PKNOX2: variants seen among roughly 807,000 people sequenced by gnomAD.
PKNOX2 encodes the protein homeobox protein PKNOX2.
Under a neutral mutation model 53.1 loss-of-function variants are expected in PKNOX2, and 14 were observed. The ratio of observed to expected loss-of-function variants is 0.26; its 90% CI spans 0.17 to 0.41. The LOEUF (loss-of-function observed/expected upper bound fraction) is 0.41. PKNOX2 is among the 10% of genes least tolerant of loss of function. PKNOX2 has a pLI of 1.00. For missense variants in PKNOX2, 496 were observed against 602.8 expected (o/e 0.82, Z 1.85); for synonymous variants, 257 against 242.8 (o/e 1.06, Z -0.54).
chr11:125,335,223 C>G (rs908564097), intron 3 of PKNOX2, among the ~76,000 whole-genome samples: 4 of 152,208 alleles, frequency 2.6e-5, no homozygotes, highest in Non-Finnish European at 5.9e-5. Context: ...CGGGCCCCCT[C>G]TGAACTCCCT....
chr11:125,306,300 G>A (rs1024549569), intron 2 of PKNOX2, among the ~76,000 whole-genome samples: 6 of 152,058 alleles, frequency 3.9e-5, no homozygotes, highest in African/African-American at 1.2e-4. Flanking sequence ...AATACCTAAC[G>A]CTAAAGATAT....
intron 2 of PKNOX2, among the ~76,000 whole-genome samples, chr11:125,296,271 CT>C (rs1408555174): frequency 6.6e-6 from 1 of 152,186 alleles, no homozygotes; most frequent in Non-Finnish European, 1.5e-5. Flanking sequence ...CCGCCAGTGT[CT>C]TTCCCTGTCA....
intron 1 of PKNOX2, among the ~76,000 whole-genome samples, chr11:125,215,437 G>A (rs1940384118): frequency 1.3e-5 from 2 of 152,026 alleles, no homozygotes; most frequent in African/African-American, 4.8e-5. Context: ...TAGAAAAGCA[G>A]GAGCAGGCCC....
At chr11:125,404,968 G>C (rs1298205738) in intron 7 of PKNOX2, among the ~76,000 whole-genome samples, 2 of 152,162 alleles carry the variant, frequency 1.3e-5, no homozygotes, top group Non-Finnish European at 2.9e-5. Flanking sequence ...CCCGCCCCGA[G>C]CCCAGGCAGG....
Position 125,399,462 on chromosome 11 carries a change from T to C in PKNOX2, c.588+1400T>C, listed in dbSNP as rs181021570. ...TGGTGACGCTGCGCAGTCCCGGTGATGGGAGAGATGCAAGATAGGAGCTGA... is the reference window on the plus strand; with the variant it reads ...TGGTGACGCTGCGCAGTCCCGGTGACGGGAGAGATGCAAGATAGGAGCTGA... On this transcript the variant is annotated intron_variant, in intron 7 of 12. Coordinates refer to ENST00000298282, the MANE Select transcript of PKNOX2 (RefSeq NM_001382323.2). Among the ~76,000 whole-genome samples the C allele has an allele frequency of 6.0e-3, 909 of 152,302 alleles. 37 individuals carry two copies. Among genetic ancestry groups the C allele is most frequent in the Admixed American group, 0.055 (837 of 15,292 alleles).
chr11:125,326,426 TG>T, intron 2 of PKNOX2, among the ~76,000 whole-genome samples: 1 of 152,060 alleles, frequency 6.6e-6, no homozygotes, highest in African/African-American at 2.4e-5. Flanking sequence ...TTGAAAGTAG[TG>T]GGGGATTAGG....
In PKNOX2 at chr11:125,393,698, G is replaced by T. The variant is rs117217690; in HGVS notation, c.400-4176G>T. ...TGGTGAGGTGTTTGGACCCCGGGGG[G>T]CTGTGCCAGGAGTGAGAGATGGGAG... is the stretch of plus-strand genomic sequence containing the variant. On this transcript the variant is annotated intron_variant, in intron 6 of 12. Transcript: ENST00000298282. Among the ~76,000 whole-genome samples, 1,153 of 152,258 alleles carry T rather than the reference G, an allele frequency of 7.6e-3. 16 individuals carry two copies. Among genetic ancestry groups the T allele is most frequent in the Middle Eastern group, 0.024 (7 of 294 alleles).
chr11:125,258,582 T>C (rs1944589917), intron 2 of PKNOX2: 1 of 156,490 alleles, frequency 6.4e-6, no homozygotes, highest in African/African-American at 2.4e-5. Context: ...AAGTCATGCT[T>C]TCGTACACAG....
intron 2 of PKNOX2, among the ~76,000 whole-genome samples, chr11:125,292,132 A>T (rs1163114397): frequency 2.6e-5 from 4 of 152,212 alleles, no homozygotes; most frequent in Non-Finnish European, 5.9e-5. Context: ...CCTACCCATC[A>T]TACTTCATCT....
At chr11:125,172,019 A>C (rs747694481) in intron 1 of PKNOX2, among the ~76,000 whole-genome samples, 16 of 152,200 alleles carry the variant, frequency 1.1e-4, no homozygotes, top group Admixed American at 2.6e-4. Flanking sequence ...CACAGGGCAG[A>C]CTTCTGGGAG....
At chr11:125,373,182 G>A (rs957005098) in intron 5 of PKNOX2, among the ~76,000 whole-genome samples, 7 of 152,166 alleles carry the variant, frequency 4.6e-5, no homozygotes, top group Non-Finnish European at 8.8e-5. Context: ...TGTCACCATC[G>A]GCTAGCTCAT....
chr11:125,431,234 A>C lies in PKNOX2; in HGVS notation c.1261A>C (p.Met421Leu). ...TGCCACCATGGCCATGCAGCAGGCT[A>C]TGATGGCTGCACACGATGACTCATT... ...DSATMAMQQA[M>L]MAAHDDSLDG... Residue 421 changes from methionine to leucine, a missense_variant, in exon 13 of 13, where the codon ATG (methionine) becomes CTG (leucine). This residue lies in a region of PKNOX2 where 139 missense variants were observed against 161.3 expected (regional missense o/e 0.86). Transcript: ENST00000298282. The C allele has an allele frequency of 2.5e-6, 4 of 1,613,858 alleles. No homozygotes were observed. The highest frequency in any genetic ancestry group is 3.4e-6 in the Non-Finnish European group (4 of 1,179,900).
At chr11:125,318,620 A>G (rs1949347306) in intron 2 of PKNOX2, among the ~76,000 whole-genome samples, 3 of 152,162 alleles carry the variant, frequency 2.0e-5, no homozygotes, top group South Asian at 4.1e-4. Flanking sequence ...CTGGAGTAGC[A>G]CTTTAAACTT....
chr11:125,200,925 G>A (rs556867070), intron 1 of PKNOX2, among the ~76,000 whole-genome samples: 9 of 152,192 alleles, frequency 5.9e-5, no homozygotes, highest in Non-Finnish European at 5.9e-5. Context: ...CATGGGCAGG[G>A]GGTCTCTGCC....
intron 2 of PKNOX2, among the ~76,000 whole-genome samples, chr11:125,277,168 G>T (rs1946227135): frequency 6.6e-6 from 1 of 152,188 alleles, no homozygotes; most frequent in Non-Finnish European, 1.5e-5. Flanking sequence ...GGGTGATTCA[G>T]TTAGTGGTGT....
chr11:125,192,432 G>A (rs1022284907), intron 1 of PKNOX2, among the ~76,000 whole-genome samples: 14 of 152,194 alleles, frequency 9.2e-5, no homozygotes, highest in Admixed American at 2.6e-4. Context: ...CTGGGCCAGC[G>A]TCCATCCTGT....
chr11:125,393,464 C>G (rs996304000), intron 6 of PKNOX2, among the ~76,000 whole-genome samples: 5 of 152,064 alleles, frequency 3.3e-5, no homozygotes, highest in African/African-American at 1.2e-4. Context: ...CCGGGAGAGG[C>G]TGGAGGAGAA....
intron 1 of PKNOX2, among the ~76,000 whole-genome samples, chr11:125,225,918 CTT>C (rs1941643729): frequency 6.6e-6 from 1 of 152,178 alleles, no homozygotes; most frequent in Admixed American, 6.5e-5. Context: ...TTAAAGGCCT[CTT>C]TATTTCCAAC....
intron 2 of PKNOX2, among the ~76,000 whole-genome samples, chr11:125,270,019 G>C (rs1945668372): frequency 6.6e-6 from 1 of 152,196 alleles, no homozygotes; most frequent in African/African-American, 2.4e-5. Flanking sequence ...AAAATATCCA[G>C]TTTCTGAATA....
Sources: allele counts gnomAD v4.1 joint callset (sites outside exome capture counted in the v4.1 genomes callset), GRCh38; gene constraint gnomAD v4.1.1; regional missense constraint gnomAD v4.1.1; transcripts MANE v1.5; gene names NCBI Gene and HGNC (gene_info 2026-07-23, HGNC 2026-07-21).